The following GALK2 variants were observed in gnomAD, a reference collection of about 807,000 sequenced individuals.
GALK2 encodes galactokinase 2, also known as N-acetylgalactosamine kinase.
GALK2 carries 36 observed loss-of-function variants against 52.4 expected under a neutral mutation model. The ratio of observed to expected loss-of-function variants is 0.69; its 90% CI spans 0.53 to 0.91. GALK2 has a LOEUF of 0.91. GALK2 is among the 40% of genes least tolerant of loss of function. The pLI is 0.00. For missense variants in GALK2, 579 were observed against 559.1 expected, an observed-to-expected ratio of 1.04 and a Z score of -0.36; for synonymous variants, 176 against 199.1, an observed-to-expected ratio of 0.88 and a Z score of 0.98.
At chr15:49,299,934 G>A (rs780406860) in intron 8 of GALK2, among the ~76,000 whole-genome samples, 5 of 151,622 alleles carry the variant, frequency 3.3e-5, no homozygotes, top group Non-Finnish European at 7.4e-5. Flanking sequence ...GTTGTTGGGT[G>A]GAGTATTCTA....
intron 1 of GALK2, among the ~76,000 whole-genome samples, chr15:49,180,103 A>T (rs905824562): frequency 1.3e-5 from 2 of 152,192 alleles, no homozygotes; most frequent in Admixed American, 6.5e-5. Context: ...TTCCCAAGGA[A>T]GTCTAGGAAA....
intron 2 of GALK2, among the ~76,000 whole-genome samples, chr15:49,204,686 T>G (rs1227737899): frequency 6.6e-6 from 1 of 152,148 alleles, no homozygotes; most frequent in Non-Finnish European, 1.5e-5. Context: ...TCAAAGTACT[T>G]TTATTTATTA....
At chr15:49,228,439 A>G (rs2090263256) in intron 3 of GALK2, among the ~76,000 whole-genome samples, 1 of 149,716 alleles carries the variant, frequency 6.7e-6, no homozygotes, top group African/African-American at 2.5e-5. Context: ...TATTTGTCTG[A>G]CTGTGTTATT....
rs1354850066 is a variant in GALK2, at chr15:49,329,368, C to T, written c.*1209C>T. 1 of 985,220 alleles carries T rather than the reference C, an allele frequency of 1.0e-6. No homozygotes were observed. The allele number at this position is 985,220 out of a possible 1,614,324, so 61.0% of individuals were successfully genotyped here. ...GACCAAAAAGTATTTTGCTGAAATACTCAGGTAATTGAGATAGCAATGGTT... is the reference window on the plus strand; with the variant it reads ...GACCAAAAAGTATTTTGCTGAAATATTCAGGTAATTGAGATAGCAATGGTT... On this transcript the variant is annotated 3_prime_UTR_variant, in exon 10 of 10. Transcript: ENST00000560031.
intron 2 of GALK2, among the ~76,000 whole-genome samples, chr15:49,211,712 A>G (rs928346732): frequency 6.6e-6 from 1 of 152,222 alleles, no homozygotes; most frequent in African/African-American, 2.4e-5. Flanking sequence ...CACGCCGTAC[A>G]TGGCTAGAGC....
At chr15:49,225,121 T>A in intron 3 of GALK2, 2 of 438,736 alleles carry the variant, frequency 4.6e-6, no homozygotes, top group Non-Finnish European at 4.6e-6. Context: ...GGGAGACAGA[T>A]GACCCTCTCA....
intron 8 of GALK2, chr15:49,319,238 G>C (rs1279048843): frequency 2.3e-5 from 8 of 351,514 alleles, no homozygotes; most frequent in Non-Finnish European, 3.9e-5. Context: ...ACGGATGTGA[G>C]CTACCGCGCC....
At chr15:49,211,785 T>C (rs1465744415) in intron 2 of GALK2, among the ~76,000 whole-genome samples, 2 of 152,144 alleles carry the variant, frequency 1.3e-5, no homozygotes, top group Admixed American at 1.3e-4. Context: ...ATGAGAACTC[T>C]ATCATGAGAA....
chr15:49,296,530 G>C (rs1162622296), intron 8 of GALK2, among the ~76,000 whole-genome samples: 1 of 152,002 alleles, frequency 6.6e-6, no homozygotes, highest in East Asian at 1.9e-4. Flanking sequence ...CAACTGTTGG[G>C]CATCTAGTTT....
At chr15:49,318,954 C>CT (rs35217317) in intron 8 of GALK2, 25,063 of 390,582 alleles carry the variant, frequency 0.064, no homozygotes, top group South Asian at 0.091. Context: ...TTCTTTCTTT[C>CT]TTTTTTTTTT....
intron 3 of GALK2, chr15:49,366,106 A>C (rs993903190): frequency 1.1e-5 from 10 of 939,968 alleles, no homozygotes; most frequent in Non-Finnish European, 1.6e-5. Context: ...TTTCCAATTC[A>C]ACTAGTCCAC....
chr15:49,297,509 A>G lies in GALK2; in HGVS notation c.967+4972A>G, dbSNP rs540688183. ...CATCATGAAATCTTTGTCAAGTTCT[A>G]TGTTCAGAACTGCATATACTGGCTG... is the stretch of plus-strand genomic sequence containing the variant. On this transcript the variant is annotated intron_variant, in intron 8 of 9. Coordinates refer to ENST00000560031, the MANE Select transcript of GALK2 (RefSeq NM_002044.4). 2.8e-4 allele frequency among the ~76,000 whole-genome samples: 43 copies of G among 152,256 alleles called. No individual in the cohort carries two copies. In the South Asian group the frequency reaches 8.5e-3, roughly 30 times the overall value.
At chr15:49,156,016 G>A in exon 1 of GALK2, 1 of 1,614,138 alleles carries the variant, frequency 6.2e-7, no homozygotes, top group Non-Finnish European at 8.5e-7. Flanking sequence ...CTATATGACA[G>A]GTATTATTTC....
chr15:49,170,201 C>T (rs1595864571), upstream of GALK2: 5 of 1,492,936 alleles, frequency 3.3e-6, no homozygotes, highest in East Asian at 5.0e-5. Context: ...GCAGGATTTC[C>T]GCAGGGCGGG....
intron 5 of GALK2, among the ~76,000 whole-genome samples, chr15:49,260,500 C>T (rs1272665267): frequency 6.9e-6 from 1 of 145,518 alleles, no homozygotes; most frequent in African/African-American, 2.6e-5. Context: ...TGAAAATTTT[C>T]TCCCATTTTG....
intron 2 of GALK2, among the ~76,000 whole-genome samples, chr15:49,210,687 C>A (rs528461202): frequency 6.6e-6 from 1 of 151,922 alleles, no homozygotes; most frequent in African/African-American, 2.4e-5. Context: ...GTGATCCACC[C>A]GCCTCGGCCT....
intron 3 of GALK2, among the ~76,000 whole-genome samples, chr15:49,351,046 G>T (rs949918082): frequency 6.6e-6 from 1 of 152,210 alleles, no homozygotes; most frequent in East Asian, 1.9e-4. Flanking sequence ...TCAACCATAC[G>T]CTGTGGTTTG....
chr15:49,336,261 T>G (rs2151183627), downstream of GALK2, among the ~76,000 whole-genome samples: 1 of 152,380 alleles, frequency 6.6e-6, no homozygotes, highest in Admixed American at 6.5e-5. Flanking sequence ...ATGTTGCTAA[T>G]GAAGCTGGAT....
intron 8 of GALK2, among the ~76,000 whole-genome samples, chr15:49,294,052 A>G (rs1224255686): frequency 2.6e-5 from 4 of 151,670 alleles, no homozygotes; most frequent in Admixed American, 6.6e-5. Context: ...GTAAGCTGAC[A>G]TTGTGCCACT....
Sources: allele counts gnomAD v4.1 joint callset (sites outside exome capture counted in the v4.1 genomes callset), GRCh38; gene constraint gnomAD v4.1.1; transcripts MANE v1.5; gene names NCBI Gene and HGNC (gene_info 2026-07-23, HGNC 2026-07-21).